Variants in RNASEH2B observed in about 807,000 individuals in gnomAD.
RNASEH2B encodes the protein ribonuclease H2 subunit B, also known as Aicardi-Goutieres syndrome 2 protein.
Under a neutral mutation model 45.0 loss-of-function variants are expected in RNASEH2B, and 36 were observed. That is an observed-to-expected ratio of 0.80 (90% confidence interval 0.61 to 1.06). The LOEUF (loss-of-function observed/expected upper bound fraction) is 1.06. Ranked by LOEUF, RNASEH2B falls within the 50% of genes least tolerant of loss-of-function variation. RNASEH2B has a pLI of 0.00. For synonymous variants in RNASEH2B, 119 were observed against 125.7 expected, an observed-to-expected ratio of 0.95 and a Z score of 0.35; for missense variants, 361 against 360.3, an observed-to-expected ratio of 1.00 and a Z score of -0.02.
At chr13:50,914,564 T>C (rs1879621833) in intron 1 of RNASEH2B, among the ~76,000 whole-genome samples, 1 of 152,228 alleles carries the variant, frequency 6.6e-6, no homozygotes, top group Non-Finnish European at 1.5e-5. Context: ...TCTGGCTTTG[T>C]TTTTGCAAAA....
intron 1 of RNASEH2B, among the ~76,000 whole-genome samples, chr13:50,922,197 AG>A (rs1234109422): frequency 6.6e-6 from 1 of 152,166 alleles, no homozygotes; most frequent in Non-Finnish European, 1.5e-5. Context: ...GTAGCTTCTG[AG>A]GGGTCAATAC....
intron 1 of RNASEH2B, among the ~76,000 whole-genome samples, chr13:50,919,475 C>T (rs1269590503): frequency 6.6e-6 from 1 of 152,090 alleles, no homozygotes; most frequent in Non-Finnish European, 1.5e-5. Flanking sequence ...TCCTTCTGCC[C>T]CCTGGCTGTG....
chr13:50,952,473 C>G (rs1351174303), intron 9 of RNASEH2B: 1 of 152,136 alleles, frequency 6.6e-6, no homozygotes, highest in Non-Finnish European at 1.5e-5. Flanking sequence ...ACAATCTCAG[C>G]TTACTGCAGT....
At chr13:50,936,440 A>G (rs370279999) in intron 5 of RNASEH2B, 27 of 152,234 alleles carry the variant, frequency 1.8e-4, no homozygotes, top group East Asian at 7.7e-4. Context: ...TATTGATTGC[A>G]TTTTATGTTT....
At chr13:50,919,593 A>G (rs930344032) in intron 1 of RNASEH2B, among the ~76,000 whole-genome samples, 5 of 152,206 alleles carry the variant, frequency 3.3e-5, no homozygotes, top group African/African-American at 1.2e-4. Flanking sequence ...TTAAATGTTT[A>G]TATCATAGGA....
intron 1 of RNASEH2B, among the ~76,000 whole-genome samples, chr13:50,919,982 A>G (rs2137900761): frequency 6.6e-6 from 1 of 152,236 alleles, no homozygotes; most frequent in Non-Finnish European, 1.5e-5. Flanking sequence ...GAAAGTAGCA[A>G]TCAGAGATTC....
chr13:50,923,026 T>C (rs536679000), intron 1 of RNASEH2B, among the ~76,000 whole-genome samples: 1 of 152,262 alleles, frequency 6.6e-6, no homozygotes, highest in African/African-American at 2.4e-5. Flanking sequence ...AAAAGTATAA[T>C]AACAAATGAA....
At chr13:50,929,429 TG>T (rs779094485) in intron 2 of RNASEH2B, 45 bp from the exon 3 acceptor site, 60 of 1,137,086 alleles carry the variant, frequency 5.3e-5, no homozygotes, top group Non-Finnish European at 7.6e-5. Flanking sequence ...TGTGTTTGTG[TG>T]TGTGTGTGAA....
At chr13:50,959,110 ATACT>A (rs1160393034), downstream of RNASEH2B, among the ~76,000 whole-genome samples, 2 of 148,948 alleles carry the variant, frequency 1.3e-5, no homozygotes, top group Non-Finnish European at 3.0e-5. Context: ...ACATTTTTTC[ATACT>A]TACTAATCAA....
At chr13:50,916,783 C>G (rs1263492920) in intron 1 of RNASEH2B, among the ~76,000 whole-genome samples, 1 of 152,132 alleles carries the variant, frequency 6.6e-6, no homozygotes, top group Non-Finnish European at 1.5e-5. Context: ...AATGTGGGGT[C>G]AGTGCACCTG....
intron 9 of RNASEH2B, among the ~76,000 whole-genome samples, chr13:50,969,533 A>AAG (rs1264533823): frequency 4.0e-5 from 6 of 151,740 alleles, no homozygotes; most frequent in African/African-American, 1.5e-4. Context: ...AAAAAAAAAA[A>AAG]AAAAAGAAAA....
chr13:50,930,304 T>C (rs967030782), intron 3 of RNASEH2B: 2 of 328,992 alleles, frequency 6.1e-6, no homozygotes, highest in Non-Finnish European at 1.2e-5. Context: ...GCTTTATAGA[T>C]AGACTGACGA....
intron 1 of RNASEH2B, chr13:50,911,099 A>AT (rs1879360466): frequency 1.3e-5 from 2 of 152,234 alleles, no homozygotes; most frequent in African/African-American, 4.8e-5. Flanking sequence ...TGAACTTTTC[A>AT]TACGTATACA....
intron 10 of RNASEH2B, 118 bp from the exon 11 acceptor site, chr13:50,956,240 A>G: frequency 1.3e-6 from 1 of 782,836 alleles, no homozygotes; most frequent in East Asian, 2.8e-5. Flanking sequence ...GAAGCATGTT[A>G]GTGGGGGATG....
chr13:50,954,529 G>A (rs1045492823), intron 10 of RNASEH2B: 1 of 155,182 alleles, frequency 6.4e-6, no homozygotes. Flanking sequence ...AAATATTCAT[G>A]TTTTTATGAT....
chr13:50,936,831 A>T (rs1951758053), intron 5 of RNASEH2B: 1 of 152,212 alleles, frequency 6.6e-6, no homozygotes, highest in South Asian at 2.1e-4. Flanking sequence ...CGAGAGCAAG[A>T]GGCTCTCTCT....
Position 50,910,148 on chromosome 13 carries a change from C to A in RNASEH2B, c.64+8C>A, listed in dbSNP as rs957777357. ...ACGTGTTCCTGGTTTCAGGTAAACA[C>A]GCGCGCCCGGGCGGCGGGGTCGGCC... On this transcript the variant is annotated splice_region_variant and intron_variant, in intron 1 of 10. Coordinates refer to ENST00000336617, the MANE Select transcript of RNASEH2B (RefSeq NM_024570.4). 1 of 1,432,440 alleles carries A rather than the reference C, an allele frequency of 7.0e-7. No individual in the cohort carries two copies. The highest frequency in any genetic ancestry group is 3.0e-5 in the East Asian group (1 of 32,826). The allele number at this position is 1,432,440 out of a possible 1,614,324, so 88.7% of individuals were successfully genotyped here.
At chr13:50,937,671 C>A (rs541816829) in intron 5 of RNASEH2B, 1 of 152,202 alleles carries the variant, frequency 6.6e-6, no homozygotes, top group East Asian at 1.9e-4. Context: ...ATTGGTTGAG[C>A]ATTTACCATA....
chr13:50,911,547 A>G (rs1879395792), intron 1 of RNASEH2B: 1 of 152,200 alleles, frequency 6.6e-6, no homozygotes, highest in Non-Finnish European at 1.5e-5. Context: ...ACTTGTGTGT[A>G]GAGCTGTAGT....
Sources: allele counts gnomAD v4.1 joint callset (sites outside exome capture counted in the v4.1 genomes callset), GRCh38; gene constraint gnomAD v4.1.1; transcripts MANE v1.5; gene names NCBI Gene and HGNC (gene_info 2026-07-23, HGNC 2026-07-21).